Variants in SLC2A1 observed in about 807,000 individuals in gnomAD.
SLC2A1 encodes solute carrier family 2 member 1.
Under a neutral mutation model 46.6 loss-of-function variants are expected in SLC2A1, and 4 were observed. That is an observed-to-expected ratio of 0.09 (90% CI 0.04 to 0.20). The LOEUF is 0.20. Ranked by LOEUF, SLC2A1 falls within the 10% of genes least tolerant of loss-of-function variation. The pLI, the probability that SLC2A1 is intolerant of heterozygous loss-of-function variation, is 1.00. For missense variants in SLC2A1, 352 were observed against 667.0 expected, an observed-to-expected ratio of 0.53 and a Z score of 5.20; for synonymous variants, 253 against 270.0, an observed-to-expected ratio of 0.94 and a Z score of 0.62.
In SLC2A1 at chr1:42,943,308, C is replaced by T. The variant is rs150921182; in HGVS notation, c.32G>A (p.Arg11His). Residue 11 changes from arginine (R) to histidine (H), a missense_variant, in exon 2 of 10, where the codon CGC (arginine) becomes CAC (histidine). Physicochemically the swap from Arg to His is conservative, Grantham distance 29 (BLOSUM62 0). Coordinates refer to ENST00000426263, the MANE Select transcript of SLC2A1 (RefSeq NM_006516.4). MEPSSKKLTG[R>H]LMLAVGGAVL... Reference sequence around the variant, plus strand: ...TGCTCCTCCCACGGCCAGCATGAGGCGACCCGTCAGCTTCTGCGGAGAAAC... The same window carrying T: ...TGCTCCTCCCACGGCCAGCATGAGGTGACCCGTCAGCTTCTGCGGAGAAAC... The T allele has an allele frequency of 5.0e-6, 8 of 1,613,610 alleles. No individual in the cohort carries two copies. The highest frequency in any genetic ancestry group is 2.2e-5 in the East Asian group (1 of 44,874).
chr1:42,950,123 GA>G (rs924259096), intron 1 of SLC2A1, among the ~76,000 whole-genome samples: 3 of 151,564 alleles, frequency 2.0e-5, no homozygotes, highest in African/African-American at 7.3e-5. Context: ...TAGCTGGGGA[GA>G]AAAAAAAGAC....
At chr1:42,950,167 T>C (rs183210708) in intron 1 of SLC2A1, among the ~76,000 whole-genome samples, 1 of 152,386 alleles carries the variant, frequency 6.6e-6, no homozygotes, top group Non-Finnish European at 1.5e-5. Flanking sequence ...GTAAGAATTA[T>C]ATTAAATTCA....
chr1:42,953,570 G>C (rs769419749), intron 1 of SLC2A1, among the ~76,000 whole-genome samples: 1 of 152,248 alleles, frequency 6.6e-6, no homozygotes, highest in Non-Finnish European at 1.5e-5. Context: ...ATGCCCAGGA[G>C]TGAGGTGGGG....
At chr1:42,935,989 TGG>T (rs1643538882) in intron 2 of SLC2A1, among the ~76,000 whole-genome samples, 1 of 152,198 alleles carries the variant, frequency 6.6e-6, no homozygotes, top group Admixed American at 6.5e-5. Flanking sequence ...TGTTAGCTCA[TGG>T]GTTGCACAAA....
chr1:42,951,827 T>C (rs979308688), intron 1 of SLC2A1: 2 of 399,316 alleles, frequency 5.0e-6, no homozygotes, highest in South Asian at 2.5e-4. Context: ...TCAGACCACA[T>C]GGTAACCCCA....
chr1:42,947,565 T>TAC lies in SLC2A1; in HGVS notation c.19-4246_19-4245dup, dbSNP rs373252084. Among the ~76,000 whole-genome samples the TAC allele has an allele frequency of 1.9e-3, 173 of 89,744 alleles. 1 individual carries two copies. The highest frequency in any genetic ancestry group is 2.2e-3 in the East Asian group (7 of 3,116). 58.9% of individuals were successfully genotyped at this position (89,744 alleles called of 152,430 possible). A position where few individuals can be genotyped will look rare whatever the true frequency, so the allele number is the denominator to read the frequency against. The stretch of plus-strand genomic sequence containing the variant: ...GGTGAAACCAGGTCTCTACTAAAAT[T>TAC]ACACACACACACACACAAAAAAAAA... On this transcript the variant is annotated intron_variant, in intron 1 of 9. Coordinates refer to ENST00000426263, the MANE Select transcript of SLC2A1 (RefSeq NM_006516.4).
chr1:42,931,129 G>C lies in SLC2A1; in HGVS notation c.192C>G (p.Leu64=), dbSNP rs762583668. 4 of 1,614,082 alleles carry C rather than the reference G, an allele frequency of 2.5e-6. No homozygotes were observed. The East Asian group carries it at 6.7e-5, about 27-fold the overall frequency. ...AAAAGATGGCCACTGAGAGGGACCAGAGCGTGGTGAGCGTGGTGGGCAGGA... is the reference window on the plus strand; with the variant it reads ...AAAAGATGGCCACTGAGAGGGACCACAGCGTGGTGAGCGTGGTGGGCAGGA... ...ESILPTTLTT[L]WSLSVAIFSV... is the part of the protein sequence containing the mutation. Residue 64 remains leucine (L), a synonymous_variant, in exon 3 of 10, where the codon CTC becomes CTG. Coordinates refer to ENST00000426263, the MANE Select transcript of SLC2A1 (RefSeq NM_006516.4).
chr1:42,951,988 G>A (rs886938164), intron 1 of SLC2A1: 2 of 412,088 alleles, frequency 4.9e-6, no homozygotes, highest in Non-Finnish European at 8.5e-6. Context: ...TACCCTAGAT[G>A]GGAGGGGGCA....
intron 2 of SLC2A1, among the ~76,000 whole-genome samples, chr1:42,939,761 A>T (rs980536998): frequency 6.6e-6 from 1 of 152,058 alleles, no homozygotes; most frequent in African/African-American, 2.4e-5. Context: ...CAGCCTCACC[A>T]ACCTGGTGAA....
chr1:42,930,020 A>C lies in SLC2A1; in HGVS notation c.532T>G (p.Ser178Ala), dbSNP rs1570592960. ...CACAGGTCCTTGTTGCCCATGATGGAGTCCAGGCCGAACACCTGGGGGAAG... is the reference window on the plus strand; with the variant it reads ...CACAGGTCCTTGTTGCCCATGATGGCGTCCAGGCCGAACACCTGGGGGAAG... ...ILIAQVFGLD[S>A]IMGNKDLWPL... Residue 178 changes from serine (S) to alanine (A), a missense_variant, in exon 5 of 10, where the codon TCC becomes GCC. By Grantham distance (99) the Ser-to-Ala change is moderately conservative (BLOSUM62 1). Coordinates refer to ENST00000426263, the MANE Select transcript of SLC2A1 (RefSeq NM_006516.4). This position sits in a 1 kb window ranked among gnomAD's most constrained non-coding sequence, Gnocchi z 6.2. 1 of 1,614,024 alleles carries C rather than the reference A, an allele frequency of 6.2e-7. No homozygotes were observed. The highest frequency in any genetic ancestry group is 8.5e-7 in the Non-Finnish European group (1 of 1,180,014).
chr1:42,929,913 G>A lies in SLC2A1; in HGVS notation c.639C>T (p.Phe213=). 6.2e-7 allele frequency: 1 copy of A among 1,614,186 alleles called. No homozygotes were observed. Among genetic ancestry groups the A allele is most frequent in the South Asian group, 1.1e-5 (1 of 91,076 alleles). The change falls in exon 5 of 10, where the codon TTC becomes TTT. Residue 213 remains phenylalanine (F), a synonymous_variant. Transcript: ENST00000426263. This position sits in a 1 kb window ranked among gnomAD's most constrained non-coding sequence, Gnocchi z 6.0. ...VLPFCPESPR[F]LLINRNEENR... ...TCTCCTCGTTGCGGTTGATGAGCAG[G>A]AAGCGGGGACTCTCGGGGCAGAAGG...
intron 2 of SLC2A1, among the ~76,000 whole-genome samples, chr1:42,934,508 T>A (rs546324456): frequency 6.6e-6 from 1 of 152,150 alleles, no homozygotes; most frequent in Non-Finnish European, 1.5e-5. Context: ...GGGATTCGTA[T>A]GGGGTTCCAC....
intron 8 of SLC2A1, among the ~76,000 whole-genome samples, chr1:42,928,028 T>C (rs1177852386): frequency 6.6e-6 from 1 of 152,202 alleles, no homozygotes; most frequent in African/African-American, 2.4e-5. Context: ...GTCCACCCGC[T>C]GGGAGTGGTA....
In SLC2A1 at chr1:42,954,701, C is replaced by G. The variant is rs553856041; in HGVS notation, c.18+3933G>C. Among the ~76,000 whole-genome samples, 1 of 152,262 alleles carries G rather than the reference C, an allele frequency of 6.6e-6. No individual in the cohort carries two copies. The highest frequency in any genetic ancestry group is 6.5e-5 in the Admixed American group (1 of 15,302). On this transcript the variant is annotated intron_variant, in intron 1 of 9. Transcript: ENST00000426263. This position sits in a 1 kb window ranked among gnomAD's most constrained non-coding sequence, Gnocchi z 4.2. ...GTTCCTTCCACCCTCTAATGTCATC[C>G]TGGAAAGGCTGGCAGCATGTCTTGG... is the stretch of plus-strand genomic sequence containing the variant.
chr1:42,942,729 C>G (rs1009762351), intron 2 of SLC2A1, among the ~76,000 whole-genome samples: 5 of 152,016 alleles, frequency 3.3e-5, no homozygotes, highest in African/African-American at 4.8e-5. Context: ...GATACCAGCT[C>G]TGTCTCTGAC....
intron 2 of SLC2A1, among the ~76,000 whole-genome samples, chr1:42,941,872 T>G (rs578159034): frequency 1.3e-4 from 20 of 152,260 alleles, no homozygotes; most frequent in African/African-American, 4.8e-4. Flanking sequence ...GGGCCCACGG[T>G]CTCCATGCCC....
chr1:42,929,303 G>A lies in SLC2A1; in HGVS notation c.879C>T (p.Tyr293=). Reference sequence around the variant, plus strand: ...CCGCCTTCTCGAAGATGCTCGTGGAGTAATAGAAGACCTGCCAGACAAGAG... The same window carrying A: ...CCGCCTTCTCGAAGATGCTCGTGGAATAATAGAAGACCTGCCAGACAAGAG... ...QLSGINAVFY[Y]STSIFEKAGV... The change falls in exon 7 of 10, where the codon TAC becomes TAT. Residue 293 remains tyrosine (Y), a synonymous_variant. Coordinates refer to ENST00000426263, the MANE Select transcript of SLC2A1 (RefSeq NM_006516.4). The surrounding 1 kb of genome is among the most constrained non-coding windows in gnomAD (Gnocchi z 6.0). The A allele has an allele frequency of 6.2e-7, 1 of 1,611,592 alleles. No homozygotes were observed. Among genetic ancestry groups the A allele is most frequent in the Non-Finnish European group, 8.5e-7 (1 of 1,178,788 alleles).
intron 1 of SLC2A1, among the ~76,000 whole-genome samples, chr1:42,957,648 A>AG (rs1643789972): frequency 6.6e-6 from 1 of 152,202 alleles, no homozygotes; most frequent in Non-Finnish European, 1.5e-5. Context: ...TACACACAGG[A>AG]GGGGCTCCAC....
chr1:42,932,949 C>G (rs938933178), intron 2 of SLC2A1, among the ~76,000 whole-genome samples: 1 of 152,200 alleles, frequency 6.6e-6, no homozygotes, highest in Admixed American at 6.5e-5. Flanking sequence ...GTTCCAAGGA[C>G]GCCATGCAGG....
Sources: allele counts gnomAD v4.1 joint callset (sites outside exome capture counted in the v4.1 genomes callset), GRCh38; gene constraint gnomAD v4.1.1; non-coding constraint Gnocchi (gnomAD v3.1); transcripts MANE v1.5; gene names NCBI Gene and HGNC (gene_info 2026-07-23, HGNC 2026-07-21).